GAP43: variants seen among roughly 807,000 people sequenced by gnomAD.
GAP43 encodes neuromodulin.
A neutral mutation model predicts 18.6 loss-of-function variants in GAP43; 6 were observed. The ratio of observed to expected loss-of-function variants is 0.32; its 90% CI spans 0.18 to 0.64. The LOEUF (loss-of-function observed/expected upper bound fraction) is 0.64, where lower values mean the gene tolerates loss of function less well. Among genes scored for constraint, GAP43 ranks in the 30% least tolerant of loss-of-function variants. GAP43 has a pLI of 0.78. For synonymous variants in GAP43, 115 were observed against 111.4 expected, an observed-to-expected ratio of 1.03 and a Z score of -0.20; for missense variants, 292 against 295.5, an observed-to-expected ratio of 0.99 and a Z score of 0.09.
intron 1 of GAP43, among the ~76,000 whole-genome samples, chr3:115,674,003 T>C (rs1320436604): frequency 6.6e-6 from 1 of 152,194 alleles, no homozygotes; most frequent in Admixed American, 6.5e-5. Flanking sequence ...CAGCAATAGG[T>C]CTGTACGCTT....
chr3:115,648,549 A>C (rs768918298), intron 1 of GAP43, among the ~76,000 whole-genome samples: 44 of 152,182 alleles, frequency 2.9e-4, no homozygotes, highest in Non-Finnish European at 6.3e-4. Flanking sequence ...TGATTTGGTG[A>C]GGAAGACAAT....
intron 1 of GAP43, among the ~76,000 whole-genome samples, chr3:115,665,464 A>G (rs1431242433): frequency 3.3e-5 from 5 of 152,160 alleles, no homozygotes; most frequent in Admixed American, 2.0e-4. Flanking sequence ...GAGGCTTTCC[A>G]CAATCTGTGT....
intron 1 of GAP43, among the ~76,000 whole-genome samples, chr3:115,639,584 T>C (rs1352697007): frequency 6.6e-6 from 1 of 152,094 alleles, no homozygotes; most frequent in Non-Finnish European, 1.5e-5. Flanking sequence ...GTTAAAAAAC[T>C]ATGTACAATA....
chr3:115,671,560 A>G (rs749101995), intron 1 of GAP43, among the ~76,000 whole-genome samples: 1 of 152,228 alleles, frequency 6.6e-6, no homozygotes, highest in Admixed American at 6.5e-5. Flanking sequence ...ATAACAATAA[A>G]GATTCCTGAA....
chr3:115,639,528 A>G (rs1708371611), intron 1 of GAP43, among the ~76,000 whole-genome samples: 1 of 152,106 alleles, frequency 6.6e-6, no homozygotes, highest in African/African-American at 2.4e-5. Flanking sequence ...CCCTTTGTCA[A>G]TAATATAATT....
At chr3:115,666,766 G>T (rs1708738874) in intron 1 of GAP43, among the ~76,000 whole-genome samples, 1 of 152,170 alleles carries the variant, frequency 6.6e-6, no homozygotes. Flanking sequence ...TTAAGCACCA[G>T]GGAATATTGA....
At chr3:115,707,817 A>T (rs1300916582) in intron 2 of GAP43, among the ~76,000 whole-genome samples, 1 of 152,174 alleles carries the variant, frequency 6.6e-6, no homozygotes, top group Non-Finnish European at 1.5e-5. Context: ...ACAGAATAGC[A>T]TTGGGGTTCC....
intron 1 of GAP43, among the ~76,000 whole-genome samples, chr3:115,653,644 G>T (rs28370262): frequency 6.6e-6 from 1 of 152,140 alleles, no homozygotes; most frequent in Non-Finnish European, 1.5e-5. Context: ...AGTTGAAAAA[G>T]ACTTGACCAT....
chr3:115,649,705 A>C (rs988806198), intron 1 of GAP43, among the ~76,000 whole-genome samples: 13 of 151,660 alleles, frequency 8.6e-5, no homozygotes, highest in African/African-American at 3.1e-4. Flanking sequence ...GCTGCATGTG[A>C]TGATTCCCAC....
chr3:115,708,988 G>A (rs1709402141), intron 2 of GAP43, among the ~76,000 whole-genome samples: 1 of 133,988 alleles, frequency 7.5e-6, no homozygotes, highest in Non-Finnish European at 1.6e-5. Context: ...GCTTTGGTGG[G>A]ACATTTATAA....
chr3:115,630,020 T>G (rs904222427), intron 1 of GAP43, among the ~76,000 whole-genome samples: 10 of 152,094 alleles, frequency 6.6e-5, no homozygotes, highest in Non-Finnish European at 1.3e-4. Context: ...GCTGGCACTA[T>G]CTCCCCTCCA....
chr3:115,673,474 T>TAC (rs1195152138), intron 1 of GAP43, among the ~76,000 whole-genome samples: 1 of 152,266 alleles, frequency 6.6e-6, no homozygotes, highest in East Asian at 1.9e-4. Context: ...TTGACTTGTC[T>TAC]ACTTTCACAA....
intron 1 of GAP43, among the ~76,000 whole-genome samples, chr3:115,646,188 G>A (rs1470438538): frequency 1.3e-5 from 2 of 152,098 alleles, no homozygotes; most frequent in Admixed American, 6.6e-5. Flanking sequence ...TAAACAGATT[G>A]TCTGGCCTAG....
rs1708432932 is a variant in GAP43, at chr3:115,644,360, A to T, written c.30+20641A>T. On this transcript the variant is annotated intron_variant, in intron 1 of 2. Coordinates refer to ENST00000305124, the MANE Select transcript of GAP43 (RefSeq NM_002045.4). This position sits in a 1 kb window ranked among gnomAD's most constrained non-coding sequence, Gnocchi z 4.2. ...GTTTTTGGACAGGACTATCAGGGTGATGAATGGGTGAGAGTGGGAGGAGTT... is the reference window on the plus strand; with the variant it reads ...GTTTTTGGACAGGACTATCAGGGTGTTGAATGGGTGAGAGTGGGAGGAGTT... 6.6e-6 allele frequency among the ~76,000 whole-genome samples: 1 copy of T among 152,002 alleles called. No individual in the cohort carries two copies. The highest frequency in any genetic ancestry group is 2.4e-5 in the African/African-American group (1 of 41,408).
chr3:115,714,733 TTTTATAATAGAACTGGA>T (rs1396363701), intron 2 of GAP43, among the ~76,000 whole-genome samples: 1 of 151,548 alleles, frequency 6.6e-6, no homozygotes, highest in Non-Finnish European at 1.5e-5. Context: ...ACACATTCGG[TTTTATAATAGAACTGGA>T]TTTGGGGGAT....
chr3:115,669,838 T>TA (rs377117218), intron 1 of GAP43, among the ~76,000 whole-genome samples: 2 of 152,174 alleles, frequency 1.3e-5, no homozygotes, highest in Admixed American at 6.5e-5. Context: ...TTTGTTTTCT[T>TA]ATACAGTTTC....
At chr3:115,705,744 A>T (rs1195752377) in intron 2 of GAP43, among the ~76,000 whole-genome samples, 1 of 152,208 alleles carries the variant, frequency 6.6e-6, no homozygotes, top group African/African-American at 2.4e-5. Context: ...AAAATTACCA[A>T]CAAACATGAT....
chr3:115,641,172 GT>G (rs1322467953), intron 1 of GAP43, among the ~76,000 whole-genome samples: 1 of 150,768 alleles, frequency 6.6e-6, no homozygotes, highest in East Asian at 2.0e-4. Flanking sequence ...GCCCTGAAAT[GT>G]TTTTTCCTCC....
At chr3:115,640,922 CTTCT>C (rs1708386306) in intron 1 of GAP43, among the ~76,000 whole-genome samples, 2 of 143,456 alleles carry the variant, frequency 1.4e-5, no homozygotes, top group African/African-American at 4.9e-5. Context: ...TCTTTCTTTC[CTTCT>C]TTTTTTCCTT....
Sources: allele counts gnomAD v4.1 joint callset (sites outside exome capture counted in the v4.1 genomes callset), GRCh38; gene constraint gnomAD v4.1.1; non-coding constraint Gnocchi (gnomAD v3.1); transcripts MANE v1.5; gene names NCBI Gene and HGNC (gene_info 2026-07-23, HGNC 2026-07-21).